The following LMF1 variants were observed in gnomAD, a reference collection of about 807,000 sequenced individuals.
LMF1 encodes the protein lipase maturation factor 1.
LMF1 carries 68 observed loss-of-function variants against 60.6 expected under a neutral mutation model. The observed-to-expected ratio is 1.12, with a 90% CI of 0.92 to 1.37. The LOEUF (loss-of-function observed/expected upper bound fraction) is 1.37, where lower values mean the gene tolerates loss of function less well. LMF1 is among the 40% of genes most tolerant of loss of function. The probability of loss-of-function intolerance (pLI) is 0.00; values close to 1 mark genes in which losing one functional copy is unlikely to be tolerated. For missense variants in LMF1, 948 were observed against 767.2 expected, an observed-to-expected ratio of 1.24 and a Z score of -2.78; for synonymous variants, 418 against 324.7, an observed-to-expected ratio of 1.29 and a Z score of -3.09.
intron 1 of LMF1, chr16:964,220 C>T (rs553150721): frequency 1.1e-4 from 46 of 437,614 alleles, no homozygotes; most frequent in Non-Finnish European, 1.6e-4. Flanking sequence ...CTCTTGAAAT[C>T]GGAAGGCGGA....
chr16:963,561 G>A (rs2072860854), intron 1 of LMF1, among the ~76,000 whole-genome samples: 2 of 152,134 alleles, frequency 1.3e-5, no homozygotes, highest in South Asian at 2.1e-4. Context: ...TGGCATGTAT[G>A]CAGGTGGGAG....
At chr16:973,501 C>G (rs185668505), upstream of LMF1, among the ~76,000 whole-genome samples, 2 of 152,060 alleles carry the variant, frequency 1.3e-5, no homozygotes, top group Non-Finnish European at 2.9e-5. Flanking sequence ...GGCAAAGCCA[C>G]GGGGAAAGGA....
chr16:963,758 T>C lies in LMF1; in HGVS notation c.193+7030A>G, dbSNP rs536319460. Among the ~76,000 whole-genome samples, 4 of 152,118 alleles carry C rather than the reference T, an allele frequency of 2.6e-5. No individual in the cohort carries two copies. In the East Asian group the frequency reaches 5.8e-4, roughly 22 times the overall value. On this transcript the variant is annotated intron_variant, in intron 1 of 10. Transcript: ENST00000262301. ...ACAAGATGTGGCCTCACCAAAGCAA[T>C]AGCCTAAATCAGTAATTCTAAGGCA...
intron 2 of LMF1, among the ~76,000 whole-genome samples, chr16:935,408 G>A (rs1033216806): frequency 6.6e-5 from 10 of 152,110 alleles, no homozygotes; most frequent in Non-Finnish European, 1.5e-4. Context: ...TTTCAACGTG[G>A]TGCTGATGGC....
intron 1 of LMF1, among the ~76,000 whole-genome samples, chr16:957,168 C>T (rs1055622932): frequency 6.6e-6 from 1 of 152,078 alleles, no homozygotes; most frequent in Admixed American, 6.6e-5. Context: ...AATCAATTTA[C>T]AAACAAGGAA....
chr16:922,002 G>A (rs1055008606), intron 3 of LMF1, among the ~76,000 whole-genome samples: 4 of 152,174 alleles, frequency 2.6e-5, no homozygotes, highest in East Asian at 1.9e-4. Context: ...TCCTGTGAGT[G>A]GGCCTGGAAA....
chr16:930,585 G>A (rs973659895), intron 3 of LMF1, among the ~76,000 whole-genome samples: 1 of 152,176 alleles, frequency 6.6e-6, no homozygotes, highest in Non-Finnish European at 1.5e-5. Context: ...TTCTGTGGAT[G>A]GTGTGGTCAT....
intron 2 of LMF1, among the ~76,000 whole-genome samples, chr16:946,211 AG>A (rs2072234368): frequency 6.6e-6 from 1 of 152,238 alleles, no homozygotes; most frequent in Admixed American, 6.5e-5. Flanking sequence ...CCAGCCAGGG[AG>A]GGCAAGGTGC....
intron 4 of LMF1, among the ~76,000 whole-genome samples, chr16:893,626 G>A (rs1203416332): frequency 1.3e-5 from 2 of 152,150 alleles, no homozygotes; most frequent in Non-Finnish European, 2.9e-5. Flanking sequence ...GGCCTGCAGA[G>A]GGAGCCGCCA....
At chr16:926,237 T>C (rs1020828120) in intron 3 of LMF1, among the ~76,000 whole-genome samples, 3 of 151,578 alleles carry the variant, frequency 2.0e-5, no homozygotes, top group South Asian at 2.1e-4. Flanking sequence ...TTGCATATGA[T>C]CTGCATACGT....
upstream of LMF1, among the ~76,000 whole-genome samples, chr16:973,326 C>T (rs2073082505): frequency 6.6e-6 from 1 of 152,168 alleles, no homozygotes; most frequent in Non-Finnish European, 1.5e-5. Flanking sequence ...GCCTGGGCCA[C>T]AGAGCGAGAC....
intron 6 of LMF1, among the ~76,000 whole-genome samples, chr16:876,927 T>C (rs1010290889): frequency 1.3e-5 from 2 of 152,098 alleles, no homozygotes; most frequent in African/African-American, 4.8e-5. Context: ...GATGTGGAAA[T>C]ACGTCCAAAT....
intron 2 of LMF1, among the ~76,000 whole-genome samples, chr16:941,627 G>C (rs1597040315): frequency 6.6e-6 from 1 of 152,154 alleles, no homozygotes; most frequent in Admixed American, 6.5e-5. Context: ...GTCTCACCTG[G>C]TTTTTCGTCC....
intron 5 of LMF1, chr16:884,008 A>G (rs1180275756): frequency 1.3e-5 from 2 of 152,168 alleles, no homozygotes; most frequent in Non-Finnish European, 2.9e-5. Flanking sequence ...GTCTGCTTAC[A>G]GTTCTATCCA....
At position 905,849 on chromosome 16, in the gene LMF1, C is replaced by T. The variant is rs369424128; in HGVS notation, c.663+5082G>A. Among the ~76,000 whole-genome samples, 31 of 152,132 alleles carry T rather than the reference C, an allele frequency of 2.0e-4. No individual in the cohort carries two copies. In the East Asian group the frequency reaches 3.3e-3, roughly 16 times the overall value. On this transcript the variant is annotated intron_variant, in intron 4 of 10. Transcript: ENST00000262301. Reference sequence around the variant, plus strand: ...GGCTTGAACTCCTGAGCTCAAGGGACGCTCCTGCCTCAGCCTCCTAACATG... The same window carrying T: ...GGCTTGAACTCCTGAGCTCAAGGGATGCTCCTGCCTCAGCCTCCTAACATG...
In LMF1 at chr16:911,079, C is replaced by T. The variant is rs2071099819; in HGVS notation, c.515G>A (p.Gly172Glu). The T allele has an allele frequency of 1.2e-6, 2 of 1,610,446 alleles. No homozygotes were observed. The highest frequency in any genetic ancestry group is 1.3e-5 in the African/African-American group (1 of 74,814). The change falls in exon 4 of 11, where the codon GGA becomes GAA. Residue 172 changes from glycine (G) to glutamate (E), a missense_variant and splice_region_variant. Coordinates refer to ENST00000262301, the MANE Select transcript of LMF1 (RefSeq NM_022773.4). ...VNVGHVWYSFGWESQLLETGF... is the reference protein window; with the variant it reads ...VNVGHVWYSFEWESQLLETGF... ...CGTCTCCAGAAGCTGGGACTCCCATCCTAAAACAACGAGACATACCAAAGG... is the reference window on the plus strand; with the variant it reads ...CGTCTCCAGAAGCTGGGACTCCCATTCTAAAACAACGAGACATACCAAAGG...
chr16:857,090 A>G (rs2069207332), intron 10 of LMF1, among the ~76,000 whole-genome samples: 1 of 152,238 alleles, frequency 6.6e-6, no homozygotes, highest in African/African-American at 2.4e-5. Context: ...AGGTCGTGTG[A>G]TGGAGGCTTC....
chr16:918,836 A>ACCCCGACTCTCACGCGGGGCCGGCG (rs1567237661), intron 3 of LMF1, among the ~76,000 whole-genome samples: 19 of 136,234 alleles, frequency 1.4e-4, no homozygotes, highest in African/African-American at 3.3e-4. Flanking sequence ...CGGGGCCGGC[A>ACCCCGACTCTCACGCGGGGCCGGCG]TCCCGGGGCG....
chr16:944,758 C>T (rs1200357577), intron 2 of LMF1, among the ~76,000 whole-genome samples: 5 of 152,198 alleles, frequency 3.3e-5, no homozygotes, highest in Admixed American at 1.3e-4. Context: ...GCCCTGTCTA[C>T]GGCCCCTCCT....
Sources: allele counts gnomAD v4.1 joint callset (sites outside exome capture counted in the v4.1 genomes callset), GRCh38; gene constraint gnomAD v4.1.1; transcripts MANE v1.5; gene names NCBI Gene and HGNC (gene_info 2026-07-23, HGNC 2026-07-21).